ANK2: variants seen among roughly 807,000 people sequenced by gnomAD.
ANK2 encodes ankyrin 2, also known as ankyrin-2.
A neutral mutation model predicts 360.5 loss-of-function variants in ANK2; 83 were observed. That is an observed-to-expected ratio of 0.23 (90% confidence interval 0.19 to 0.28). The LOEUF (loss-of-function observed/expected upper bound fraction) is 0.28. Ranked by LOEUF, ANK2 falls within the 10% of genes least tolerant of loss-of-function variation. The pLI is 1.00. For missense variants in ANK2, 4,201 were observed against 4,795.7 expected, an observed-to-expected ratio of 0.88 and a Z score of 3.66; for synonymous variants, 1,740 against 1,759.5, an observed-to-expected ratio of 0.99 and a Z score of 0.28.
rs147036571 is a variant in ANK2 at position 112,854,448 on chromosome 4, G to A, written c.-40+36184G>A. On this transcript the variant is annotated intron_variant, in intron 1 of 30. Transcript: ENST00000503271. ...AAAGCCTGACATGCTGTGGTGATAT[G>A]ATAGCCTTGTTTTAGGGATATCACT... Among the ~76,000 whole-genome samples, 109 of 152,310 alleles carry A rather than the reference G, an allele frequency of 7.2e-4. 1 individual carries two copies. The highest frequency in any genetic ancestry group is 9.1e-4 in the Non-Finnish European group (62 of 68,014).
the ANK2 span, among the ~76,000 whole-genome samples, chr4:112,789,574 GGGA>G: frequency 6.6e-6 from 1 of 152,170 alleles, no homozygotes; most frequent in Non-Finnish European, 1.5e-5. Context: ...GTTTATTATG[GGGA>G]GGAGAAGATA....
chr4:112,827,301 A>T, intron 1 of ANK2: 1 of 1,089,516 alleles, frequency 9.2e-7, no homozygotes, highest in Non-Finnish European at 1.4e-6. Flanking sequence ...AAGAAGATCC[A>T]GAACAGCTGA....
chr4:113,373,560 T>A, intron 45 of ANK2, 111 bp downstream of exon 45: 1 of 1,223,142 alleles, frequency 8.2e-7, no homozygotes, highest in Non-Finnish European at 1.2e-6. Context: ...CCCTTTCATG[T>A]GGCAGTTTGC....
chr4:112,979,894 C>CT (rs1561387589), intron 2 of ANK2: 1 of 152,136 alleles, frequency 6.6e-6, no homozygotes, highest in African/African-American at 2.4e-5. Flanking sequence ...ATGATAAGTT[C>CT]TCACTTTCCG....
intron 21 of ANK2, 96 bp from the exon 22 acceptor site, chr4:113,293,344 A>G: frequency 9.4e-7 from 1 of 1,066,170 alleles, no homozygotes; most frequent in Non-Finnish European, 1.4e-6. Context: ...TTTTGGAAGG[A>G]AATGCTGGCT....
chr4:113,008,915 G>T (rs921861976), intron 2 of ANK2, among the ~76,000 whole-genome samples: 3 of 152,104 alleles, frequency 2.0e-5, no homozygotes, highest in Non-Finnish European at 4.4e-5. Context: ...ACAAAGAAAA[G>T]CAGGGAGATA....
intron 2 of ANK2, among the ~76,000 whole-genome samples, chr4:112,985,639 A>G (rs1327185960): frequency 6.6e-6 from 1 of 152,228 alleles, no homozygotes; most frequent in Non-Finnish European, 1.5e-5. Flanking sequence ...TACTAGCTTC[A>G]GAGGACAATG....
chr4:112,738,806 T>C, the ANK2 span: 5 of 625,128 alleles, frequency 8.0e-6, no homozygotes, highest in Non-Finnish European at 1.5e-5. Context: ...ACAACAGGGT[T>C]CATAGAAGGT....
intron 41 of ANK2, among the ~76,000 whole-genome samples, chr4:113,366,195 T>A (rs2096527635): frequency 6.6e-6 from 1 of 152,130 alleles, no homozygotes. Context: ...ACTTCCTCTC[T>A]TCCCATTCCC....
At chr4:113,250,752 A>ACCCCCCCCCCCCCC (rs1383642885) in intron 10 of ANK2, among the ~76,000 whole-genome samples, 1 of 47,314 alleles carries the variant, frequency 2.1e-5, no homozygotes, top group Non-Finnish European at 4.8e-5. Flanking sequence ...ACCTCATACC[A>ACCCCCCCCCCCCCC]CCGCCCCCCC....
chr4:113,186,973 G>A (rs2098541934), intron 2 of ANK2, among the ~76,000 whole-genome samples: 1 of 151,800 alleles, frequency 6.6e-6, no homozygotes, highest in South Asian at 2.1e-4. Flanking sequence ...CTTCAGGGTA[G>A]GATAAAAGAG....
intron 14 of ANK2, 78 bp downstream of exon 14, chr4:113,265,073 T>C: frequency 7.5e-7 from 1 of 1,339,176 alleles, no homozygotes; most frequent in Non-Finnish European, 1.0e-6. Flanking sequence ...TGCCCTTCAG[T>C]TCCTTGATTT....
chr4:113,199,476 A>G (rs2098798342), intron 4 of ANK2, among the ~76,000 whole-genome samples: 1 of 152,156 alleles, frequency 6.6e-6, no homozygotes, highest in African/African-American at 2.4e-5. Context: ...ATATACTTGA[A>G]AGATTTACAT....
chr4:113,082,924 A>C (rs2082987055), intron 1 of ANK2, among the ~76,000 whole-genome samples: 2 of 152,160 alleles, frequency 1.3e-5, no homozygotes, highest in African/African-American at 4.8e-5. Flanking sequence ...AAAATTACAA[A>C]ATCTATCTGA....
In ANK2 at chr4:112,903,555, T is replaced by C. The variant is rs532732244; in HGVS notation, c.-39-900T>C. ...CTTTGAAAAATAAGAGAAAATAAAG[T>C]AGAAGCATGGCCATATATTAGTGGC... On this transcript the variant is annotated intron_variant, in intron 1 of 30. Transcript: ENST00000503271. Among the ~76,000 whole-genome samples the C allele has an allele frequency of 3.3e-5, 5 of 152,228 alleles. No homozygotes were observed. The South Asian group carries it at 6.2e-4, about 19-fold the overall frequency.
chr4:112,872,487 G>A (rs1228297667), intron 1 of ANK2, among the ~76,000 whole-genome samples: 1 of 152,028 alleles, frequency 6.6e-6, no homozygotes, highest in Non-Finnish European at 1.5e-5. Flanking sequence ...ACAGGCATGC[G>A]CCATCACGCC....
chr4:113,046,921 T>C (rs1270731474), upstream of ANK2, among the ~76,000 whole-genome samples: 2 of 152,256 alleles, frequency 1.3e-5, no homozygotes, highest in Non-Finnish European at 2.9e-5. Context: ...GAAGTATATT[T>C]GTTTTCAATT....
At chr4:113,003,251 G>A (rs761674589) in intron 2 of ANK2, among the ~76,000 whole-genome samples, 9 of 152,102 alleles carry the variant, frequency 5.9e-5, no homozygotes, top group African/African-American at 2.2e-4. Flanking sequence ...TAATTGCAAG[G>A]TCTCAAAAGA....
the ANK2 span, among the ~76,000 whole-genome samples, chr4:112,803,628 GT>G: frequency 6.6e-6 from 1 of 152,088 alleles, no homozygotes; most frequent in South Asian, 2.1e-4. Flanking sequence ...GAATTTCTAC[GT>G]GCAGAATTGT....
Sources: allele counts gnomAD v4.1 joint callset (sites outside exome capture counted in the v4.1 genomes callset), GRCh38; gene constraint gnomAD v4.1.1; transcripts MANE v1.5; gene names NCBI Gene and HGNC (gene_info 2026-07-23, HGNC 2026-07-21).